Variants in IVD observed in about 807,000 individuals in gnomAD.
The protein encoded by IVD is isovaleryl-CoA dehydrogenase, mitochondrial.
In IVD, 31 loss-of-function variants were observed where a neutral mutation model predicts 51.3. The ratio of observed to expected loss-of-function variants is 0.60; its 90% CI spans 0.45 to 0.81. The LOEUF is 0.81. IVD is among the 40% of genes least tolerant of loss of function. The pLI, the probability that IVD is intolerant of heterozygous loss-of-function variation, is 0.00. For missense variants in IVD, 475 were observed against 552.0 expected (o/e 0.86, Z 1.40); for synonymous variants, 205 against 219.4 (o/e 0.93, Z 0.58).
At chr15:40,421,527 A>G (rs369558535), downstream of IVD, among the ~76,000 whole-genome samples, 8 of 152,340 alleles carry the variant, frequency 5.3e-5, no homozygotes, top group South Asian at 1.7e-3. Context: ...GGAGGGCAAC[A>G]GAACCTTGGG....
chr15:40,417,071 G>T (rs1440358614), intron 11 of IVD, among the ~76,000 whole-genome samples: 1 of 151,862 alleles, frequency 6.6e-6, no homozygotes, highest in African/African-American at 2.4e-5. Context: ...AAGTGTGGTG[G>T]CAGGAGCCTG....
intron 8 of IVD, chr15:40,435,393 A>G: frequency 9.1e-7 from 1 of 1,102,796 alleles, no homozygotes; most frequent in Non-Finnish European, 1.1e-6. Flanking sequence ...GGACAGCGCT[A>G]AAAGAGGGCT....
chr15:40,411,729 C>G (rs767309637), intron 6 of IVD, 38 bp downstream of exon 6: 1 of 1,610,552 alleles, frequency 6.2e-7, no homozygotes, highest in Admixed American at 1.7e-5. Flanking sequence ...AGGCTTCTGC[C>G]TCCTGACAGT....
At chr15:40,434,185 C>T (rs759259326) in intron 8 of IVD, among the ~76,000 whole-genome samples, 74 of 152,268 alleles carry the variant, frequency 4.9e-4, no homozygotes, top group Admixed American at 1.0e-3. Context: ...TGAAAATGTG[C>T]GCCAGGGGTA....
At chr15:40,422,201 C>CAACG (rs1892354353), downstream of IVD, among the ~76,000 whole-genome samples, 1 of 150,706 alleles carries the variant, frequency 6.6e-6, no homozygotes. Flanking sequence ...TTTCAGGACT[C>CAACG]AACGACGTTT....
At chr15:40,421,318 C>A, downstream of IVD, 1 of 985,408 alleles carries the variant, frequency 1.0e-6, no homozygotes, top group South Asian at 4.7e-5. Context: ...ACCATGCAGC[C>A]TGAGTGGTAA....
intron 7 of IVD, among the ~76,000 whole-genome samples, chr15:40,430,514 A>T (rs1256824818): frequency 6.6e-6 from 1 of 152,202 alleles, no homozygotes; most frequent in Admixed American, 6.5e-5. Flanking sequence ...GGAGAGTGCT[A>T]TGAGGCAGTC....
chr15:40,407,887 C>T (rs1890631781), intron 2 of IVD, 52 bp from the exon 3 acceptor site: 23 of 1,589,032 alleles, frequency 1.4e-5, no homozygotes, highest in Non-Finnish European at 1.8e-5. Context: ...CCACATGTGA[C>T]TGGCTGCCTT....
downstream of IVD, among the ~76,000 whole-genome samples, chr15:40,423,429 ATTGAT>A (rs1340848753): frequency 1.3e-5 from 2 of 152,260 alleles, no homozygotes; most frequent in East Asian, 3.9e-4. Context: ...ATGCTTACTT[ATTGAT>A]TTAATTGTAA....
chr15:40,411,237 C>G (rs1198261831), intron 4 of IVD, 23 bp from the exon 5 acceptor site: 1 of 1,611,366 alleles, frequency 6.2e-7, no homozygotes, highest in Admixed American at 1.7e-5. Flanking sequence ...TGTAACAAGG[C>G]CTGTTGGGGG....
chr15:40,410,593 G>C, intron 3 of IVD, 35 bp from the exon 4 acceptor site: 2 of 1,613,186 alleles, frequency 1.2e-6, no homozygotes, highest in Non-Finnish European at 1.7e-6. Context: ...AATCTGGGCT[G>C]CGTTTTCCAC....
downstream of IVD, among the ~76,000 whole-genome samples, chr15:40,426,842 C>A (rs1892699017): frequency 6.6e-6 from 1 of 152,226 alleles, no homozygotes; most frequent in Admixed American, 6.5e-5. Context: ...GCTGCTTCCC[C>A]AGCCAGGCCC....
At chr15:40,435,633 A>G (rs556855110), downstream of IVD, 27 of 1,071,116 alleles carry the variant, frequency 2.5e-5, no homozygotes, top group Non-Finnish European at 3.1e-5. Flanking sequence ...TCTTTGGGAC[A>G]GAGCTCCTTG....
chr15:40,427,669 G>T (rs553899570), downstream of IVD, among the ~76,000 whole-genome samples: 1 of 152,164 alleles, frequency 6.6e-6, no homozygotes, highest in Non-Finnish European at 1.5e-5. Context: ...ATAGTTAAAT[G>T]AAATTTACTA....
In IVD at chr15:40,414,927, G is replaced by C. The variant is rs757832700; in HGVS notation, c.823G>C (p.Val275Leu). Residue 275 changes from valine (V) to leucine (L), a missense_variant, in exon 8 of 12, where the codon GTG (valine) becomes CTG (leucine). By Grantham distance (32) the Val-to-Leu change is conservative. Transcript: ENST00000487418. ...GGGCCATGAGAATAAGGGTGTCTAC[G>C]TGCTGATGAGTGGGCTGGACCTGGA... ...ILGHENKGVY[V>L]LMSGLDLERL... 23 of 1,614,030 alleles carry C rather than the reference G, an allele frequency of 1.4e-5. No individual in the cohort carries two copies. The East Asian group carries it at 2.7e-4, about 19-fold the overall frequency.
At chr15:40,412,774 C>A in intron 6 of IVD, 2 of 566,548 alleles carry the variant, frequency 3.5e-6, no homozygotes, top group Non-Finnish European at 6.3e-6. Flanking sequence ...CCCATGAGAA[C>A]TGGGGAGAAC....
rs970425910 is a variant in IVD, at chr15:40,421,196, G to T, written c.*2933G>T. The stretch of plus-strand genomic sequence containing the variant: ...TGGAGACAATGTGGCAAAATGGGGC[G>T]CTTCATCCAGTCTGTCTAAGCCCTG... On this transcript the variant is annotated 3_prime_UTR_variant, in exon 12 of 12. Coordinates refer to ENST00000487418, the MANE Select transcript of IVD (RefSeq NM_002225.5). The T allele has an allele frequency of 1.0e-6, 1 of 985,338 alleles. No individual in the cohort carries two copies. The highest frequency in any genetic ancestry group is 1.7e-5 in the African/African-American group (1 of 57,244). 61.0% of individuals were successfully genotyped at this position (985,338 alleles called of 1,614,324 possible).
chr15:40,431,320 C>G (rs1472107406), intron 7 of IVD, among the ~76,000 whole-genome samples: 1 of 151,930 alleles, frequency 6.6e-6, no homozygotes, highest in Non-Finnish European at 1.5e-5. Flanking sequence ...GGGAAGTTAC[C>G]GAACCTCTCT....
intron 7 of IVD, 191 bp downstream of exon 7, chr15:40,413,278 C>A: frequency 1.6e-6 from 1 of 642,160 alleles, no homozygotes; most frequent in Non-Finnish European, 2.8e-6. Flanking sequence ...CAGCGGCATG[C>A]CTAACTGGCA....
Sources: allele counts gnomAD v4.1 joint callset (sites outside exome capture counted in the v4.1 genomes callset), GRCh38; gene constraint gnomAD v4.1.1; transcripts MANE v1.5; gene names NCBI Gene and HGNC (gene_info 2026-07-23, HGNC 2026-07-21).